CCN4: variants seen among roughly 807,000 people sequenced by gnomAD.
CCN4 encodes CCN family member 4.
Under a neutral mutation model 36.7 loss-of-function variants are expected in CCN4, and 30 were observed. That is an observed-to-expected ratio of 0.82 (90% CI 0.61 to 1.11). CCN4 has a LOEUF of 1.11. Among genes scored for constraint, CCN4 ranks in the 50% least tolerant of loss-of-function variants. CCN4 has a pLI of 0.00. For missense variants in CCN4, 505 were observed against 504.9 expected, an observed-to-expected ratio of 1.00 and a Z score of 0.00; for synonymous variants, 191 against 195.4, an observed-to-expected ratio of 0.98 and a Z score of 0.19.
intron 2 of CCN4, among the ~76,000 whole-genome samples, chr8:133,218,345 AC>A (rs1234398025): frequency 6.6e-6 from 1 of 151,844 alleles, no homozygotes; most frequent in African/African-American, 2.4e-5. Context: ...GGATAACCGC[AC>A]CCCAAAAAAA....
At position 133,213,126 on chromosome 8, in the gene CCN4, C is replaced by T. The variant is rs750266601; in HGVS notation, c.332C>T (p.Ala111Val). Residue 111 changes from alanine (A) to valine (V), a missense_variant, in exon 2 of 5, where the codon GCA becomes GTA. Coordinates refer to ENST00000250160, the MANE Select transcript of CCN4 (RefSeq NM_003882.4). Reference protein sequence around the residue: ...CDYSGDRPRYAIGVCAQVVGV... With the variant: ...CDYSGDRPRYVIGVCAQVVGV... ...TACAGCGGGGACCGCCCGAGGTACG[C>T]AATAGGAGTGTGTGCACGTAAGTGA... is the stretch of plus-strand genomic sequence containing the variant. 2.5e-6 allele frequency: 4 copies of T among 1,600,192 alleles called. No individual in the cohort carries two copies. The highest frequency in any genetic ancestry group is 3.4e-6 in the Non-Finnish European group (4 of 1,173,360).
intron 1 of CCN4, among the ~76,000 whole-genome samples, chr8:133,206,644 A>G (rs1438323635): frequency 2.0e-5 from 3 of 152,120 alleles, no homozygotes; most frequent in African/African-American, 7.2e-5. Flanking sequence ...GAGACCCTAC[A>G]CTGGCCTTCC....
chr8:133,203,348 GC>G (rs1853657193), intron 1 of CCN4, among the ~76,000 whole-genome samples: 1 of 152,208 alleles, frequency 6.6e-6, no homozygotes, highest in Admixed American at 6.5e-5. Flanking sequence ...CATAGTAGAC[GC>G]TTGGTACATG....
intron 2 of CCN4, among the ~76,000 whole-genome samples, chr8:133,217,001 T>C (rs1163171989): frequency 6.6e-6 from 1 of 152,254 alleles, no homozygotes; most frequent in Non-Finnish European, 1.5e-5. Context: ...AGTAAATTCA[T>C]GCATGCTCTT....
chr8:133,220,746 G>C lies in CCN4; in HGVS notation c.515G>C (p.Arg172Pro). 6.2e-7 allele frequency: 1 copy of C among 1,613,522 alleles called. No individual in the cohort carries two copies. Among genetic ancestry groups the C allele is most frequent in the South Asian group, 1.1e-5 (1 of 91,064 alleles). ...CGTCTCTGGTGCCCCCACCCGCGGCGCGTGAGCATACCTGGCCACTGCTGT... is the reference window on the plus strand; with the variant it reads ...CGTCTCTGGTGCCCCCACCCGCGGCCCGTGAGCATACCTGGCCACTGCTGT... Reference protein sequence around the residue: ...PPRLWCPHPRRVSIPGHCCEQ... With the variant: ...PPRLWCPHPRPVSIPGHCCEQ... Residue 172 changes from arginine (R) to proline (P), a missense_variant, in exon 3 of 5, where the codon CGC becomes CCC. Physicochemically the swap from Arg to Pro is moderately radical, Grantham distance 103 (BLOSUM62 -2). Coordinates refer to ENST00000250160, the MANE Select transcript of CCN4 (RefSeq NM_003882.4).
intron 2 of CCN4, among the ~76,000 whole-genome samples, chr8:133,217,454 T>G (rs1170085538): frequency 6.6e-6 from 1 of 152,214 alleles, no homozygotes; most frequent in Non-Finnish European, 1.5e-5. Context: ...TGAGATTAGA[T>G]AGGAGGTAGT....
intron 1 of CCN4, among the ~76,000 whole-genome samples, chr8:133,192,469 T>A (rs1270730315): frequency 6.6e-6 from 1 of 152,160 alleles, no homozygotes; most frequent in Non-Finnish European, 1.5e-5. Flanking sequence ...ATTTCACAAA[T>A]GAAAGAAATG....
At chr8:133,207,145 G>A (rs1853808622) in intron 1 of CCN4, among the ~76,000 whole-genome samples, 1 of 152,252 alleles carries the variant, frequency 6.6e-6, no homozygotes, top group African/African-American at 2.4e-5. Flanking sequence ...ACAGCGTTAA[G>A]ACTCACCGGC....
chr8:133,215,023 T>G (rs987147640), intron 2 of CCN4, among the ~76,000 whole-genome samples: 2 of 152,238 alleles, frequency 1.3e-5, no homozygotes, highest in African/African-American at 4.8e-5. Flanking sequence ...CACGAATCCT[T>G]GTGTCTTTGG....
chr8:133,207,209 A>G (rs2130559677), intron 1 of CCN4, among the ~76,000 whole-genome samples: 1 of 152,364 alleles, frequency 6.6e-6, no homozygotes, highest in South Asian at 2.1e-4. Flanking sequence ...CTCTTCAGCA[A>G]TGAGCATCAT....
intron 1 of CCN4, among the ~76,000 whole-genome samples, chr8:133,192,521 T>C (rs1324918284): frequency 6.6e-6 from 1 of 152,194 alleles, no homozygotes; most frequent in Non-Finnish European, 1.5e-5. Flanking sequence ...GAGCTCCTCA[T>C]TAATAAGTGG....
chr8:133,217,488 CA>C (rs1204409183), intron 2 of CCN4, among the ~76,000 whole-genome samples: 2 of 152,196 alleles, frequency 1.3e-5, no homozygotes, highest in Admixed American at 1.3e-4. Context: ...CTGTCTTCAC[CA>C]TCTCGCCTTT....
In CCN4 at chr8:133,220,808, C is replaced by A. The variant is rs756892752; in HGVS notation, c.577C>A (p.Arg193Ser). 16 of 1,608,078 alleles carry A rather than the reference C, an allele frequency of 9.9e-6. No individual in the cohort carries two copies. The East Asian group carries it at 2.0e-4, about 20-fold the overall frequency. Reference sequence around the variant, plus strand: ...ATGTGAGGACGACGCCAAGAGGCCACGCAAGACCGCACCCCGTGACACAGG... The same window carrying A: ...ATGTGAGGACGACGCCAAGAGGCCAAGCAAGACCGCACCCCGTGACACAGG... ...WVCEDDAKRP[R>S]KTAPRDTGAF... The change falls in exon 3 of 5, where the codon CGC (arginine) becomes AGC (serine). Residue 193 changes from arginine (R) to serine (S), a missense_variant. Arg to Ser is a moderately radical substitution (Grantham distance 110, BLOSUM62 -1). Coordinates refer to ENST00000250160, the MANE Select transcript of CCN4 (RefSeq NM_003882.4).
Position 133,228,078 on chromosome 8 carries a change from C to T in CCN4, c.*368C>T, listed in dbSNP as rs1239059811. 1 of 194,340 alleles carries T rather than the reference C, an allele frequency of 5.1e-6. No individual in the cohort carries two copies. The highest frequency in any genetic ancestry group is 5.4e-5 in the Admixed American group (1 of 18,438). 12.0% of individuals were successfully genotyped at this position (194,340 alleles called of 1,614,324 possible). A position where few individuals can be genotyped will look rare whatever the true frequency, so the allele number is the denominator to read the frequency against. Reference sequence around the variant, plus strand: ...AATTTCTTCTTTAGATGCCAAACCACAAGACTCTTTGGGTCCATTCAGATG... The same window carrying T: ...AATTTCTTCTTTAGATGCCAAACCATAAGACTCTTTGGGTCCATTCAGATG... On this transcript the variant is annotated 3_prime_UTR_variant, in exon 5 of 5. Transcript: ENST00000250160.
chr8:133,193,718 C>T (rs1477316532), intron 1 of CCN4, among the ~76,000 whole-genome samples: 1 of 152,166 alleles, frequency 6.6e-6, no homozygotes, highest in Non-Finnish European at 1.5e-5. Flanking sequence ...AACTGAGACT[C>T]GGAGAGGTTA....
At chr8:133,194,505 A>G (rs111063645) in intron 1 of CCN4, among the ~76,000 whole-genome samples, 56,996 of 57,698 alleles carry the variant, frequency 0.99, 28,165 homozygotes, top group Middle Eastern at 1. Flanking sequence ...TGTGTGTGGA[A>G]CATGAGTGTG....
chr8:133,199,446 TG>T (rs1853506195), intron 1 of CCN4, among the ~76,000 whole-genome samples: 1 of 152,152 alleles, frequency 6.6e-6, no homozygotes, highest in Admixed American at 6.5e-5. Flanking sequence ...TAAATGCCCG[TG>T]TCACAGAGAC....
At chr8:133,197,173 A>G (rs948675834) in intron 1 of CCN4, among the ~76,000 whole-genome samples, 14 of 152,062 alleles carry the variant, frequency 9.2e-5, no homozygotes, top group Admixed American at 5.2e-4. Flanking sequence ...CTCAATGCCA[A>G]CTGTGAGTTT....
chr8:133,220,540 C>T lies in CCN4; in HGVS notation c.350-41C>T, dbSNP rs1447189299. On this transcript the variant is annotated intron_variant, in intron 2 of 4. Transcript: ENST00000250160. ...TAAAGGCAGCTGGGCCAGCCAGGGG[C>T]ACCAAGGCCACTGGGCCTGACCGGC... is the stretch of plus-strand genomic sequence containing the variant. 6.3e-6 allele frequency: 10 copies of T among 1,594,826 alleles called. No homozygotes were observed. In the South Asian group the frequency reaches 1.0e-4, roughly 16 times the overall value.
Sources: gnomAD v4.1 joint callset for allele counts (sites outside exome capture counted in the v4.1 genomes callset) on GRCh38, gnomAD v4.1.1 for gene constraint, MANE v1.5 for transcripts, NCBI Gene and HGNC (gene_info 2026-07-23, HGNC 2026-07-21) for gene names.